The following MMP16 variants were observed in gnomAD, a reference collection of about 807,000 sequenced individuals.
The protein encoded by MMP16 is matrix metallopeptidase 16, also known as matrix metalloproteinase-16.
MMP16 carries 12 observed loss-of-function variants against 67.8 expected under a neutral mutation model. The ratio of observed to expected loss-of-function variants is 0.18; its 90% CI spans 0.11 to 0.29. The LOEUF (loss-of-function observed/expected upper bound fraction) is 0.29. Ranked by LOEUF, MMP16 falls within the 10% of genes least tolerant of loss-of-function variation. The probability of loss-of-function intolerance (pLI) is 1.00; values close to 1 mark genes in which losing one functional copy is unlikely to be tolerated. For missense variants in MMP16, 475 were observed against 765.7 expected, an observed-to-expected ratio of 0.62 and a Z score of 4.48; for synonymous variants, 249 against 255.9, an observed-to-expected ratio of 0.97 and a Z score of 0.26.
chr8:88,135,942 G>T (rs1808112325), intron 4 of MMP16, among the ~76,000 whole-genome samples: 2 of 151,722 alleles, frequency 1.3e-5, no homozygotes, highest in South Asian at 4.1e-4. Context: ...ATATAAGTGG[G>T]TTAAACCATA....
intron 7 of MMP16, among the ~76,000 whole-genome samples, chr8:88,068,307 A>C (rs1808489724): frequency 6.6e-6 from 1 of 152,146 alleles, no homozygotes; most frequent in Non-Finnish European, 1.5e-5. Context: ...ATTGTGAATA[A>C]AAATCCTTCA....
chr8:88,277,842 T>C (rs1472798298), intron 1 of MMP16, among the ~76,000 whole-genome samples: 1 of 152,196 alleles, frequency 6.6e-6, no homozygotes, highest in African/African-American at 2.4e-5. Flanking sequence ...AGAAGAACTT[T>C]TGAGAAACTA....
chr8:88,137,312 C>A (rs149506460), intron 4 of MMP16, among the ~76,000 whole-genome samples: 4 of 151,886 alleles, frequency 2.6e-5, no homozygotes, highest in South Asian at 2.1e-4. Context: ...ACTCCTCCCC[C>A]CCAAAACCCA....
chr8:88,082,785 T>A (rs898720581), intron 6 of MMP16, among the ~76,000 whole-genome samples: 10 of 151,976 alleles, frequency 6.6e-5, no homozygotes, highest in East Asian at 1.9e-4. Context: ...TATTTTTTTT[T>A]ATTTTTATTA....
intron 1 of MMP16, among the ~76,000 whole-genome samples, chr8:88,297,877 T>A: frequency 6.6e-6 from 1 of 152,166 alleles, no homozygotes; most frequent in Middle Eastern, 3.2e-3. Context: ...TCTGGCACAT[T>A]TGCAAAGTGC....
At chr8:88,134,187 C>T (rs527259011) in intron 4 of MMP16, among the ~76,000 whole-genome samples, 2 of 151,804 alleles carry the variant, frequency 1.3e-5, no homozygotes, top group South Asian at 4.1e-4. Flanking sequence ...AATATGTCAC[C>T]AATTCTAACA....
chr8:88,119,921 C>G (rs982895151), intron 4 of MMP16, among the ~76,000 whole-genome samples: 3 of 151,944 alleles, frequency 2.0e-5, no homozygotes, highest in Admixed American at 2.0e-4. Flanking sequence ...CCTTTCCAAC[C>G]ACTTTTATAA....
At chr8:88,235,470 T>C (rs1451651275) in intron 1 of MMP16, among the ~76,000 whole-genome samples, 1 of 152,016 alleles carries the variant, frequency 6.6e-6, no homozygotes, top group East Asian at 1.9e-4. Flanking sequence ...AATGCCAAAG[T>C]TCTAACCTGC....
At chr8:88,178,156 A>G (rs2129730608) in intron 3 of MMP16, among the ~76,000 whole-genome samples, 1 of 152,332 alleles carries the variant, frequency 6.6e-6, no homozygotes, top group African/African-American at 2.4e-5. Flanking sequence ...TCAACAAAAA[A>G]TTACAAACAA....
At chr8:88,253,400 T>C (rs1001614525) in intron 1 of MMP16, among the ~76,000 whole-genome samples, 1 of 152,086 alleles carries the variant, frequency 6.6e-6, no homozygotes, top group Non-Finnish European at 1.5e-5. Context: ...AAAACAGTCC[T>C]TCAGCCAAAT....
intron 6 of MMP16, among the ~76,000 whole-genome samples, chr8:88,105,353 T>C (rs1360071536): frequency 6.6e-6 from 1 of 151,478 alleles, no homozygotes; most frequent in Admixed American, 6.6e-5. Context: ...GGGTTAGTAA[T>C]TGGAAAACTA....
At chr8:88,290,323 C>T (rs911438930) in intron 1 of MMP16, among the ~76,000 whole-genome samples, 3 of 151,990 alleles carry the variant, frequency 2.0e-5, no homozygotes, top group African/African-American at 4.8e-5. Flanking sequence ...GAGGCCGAGG[C>T]GGGTGGATCA....
At position 88,074,656 on chromosome 8, in the gene MMP16, T is replaced by C. The variant is rs1808614169; in HGVS notation, c.1171A>G (p.Ser391Gly). 2 of 1,613,604 alleles carry C rather than the reference T, an allele frequency of 1.2e-6. No homozygotes were observed. Among genetic ancestry groups the C allele is most frequent in the African/African-American group, 1.3e-5 (1 of 74,890 alleles). Residue 391 changes from serine (S) to glycine (G), a missense_variant, in exon 7 of 10, where the codon AGT becomes GGT. This residue lies in a region of MMP16 where 195 missense variants were observed against 300.9 expected (regional missense o/e 0.65). Transcript: ENST00000286614. ...ITYFWRGLPP[S>G]IDAVYENSDG... Reference sequence around the variant, plus strand: ...CTATTTTCATAAACTGCATCGATACTAGGAGGCAAGCCCCGCCAGAAGTAA... The same window carrying C: ...CTATTTTCATAAACTGCATCGATACCAGGAGGCAAGCCCCGCCAGAAGTAA...
Position 88,158,350 on chromosome 8 carries a change from T to C in MMP16, c.709+9319A>G, listed in dbSNP as rs144607328. On this transcript the variant is annotated intron_variant, in intron 4 of 9. Transcript: ENST00000286614. ...CAGCACCTGTTGTTTCCTGACTTTC[T>C]AATGATCGCCATTTTAAGTGGTGTG... 7.9e-3 allele frequency among the ~76,000 whole-genome samples: 1,200 copies of C among 152,292 alleles called. 18 individuals are homozygous for C. Among genetic ancestry groups the C allele is most frequent in the African/African-American group, 0.027 (1,109 of 41,562 alleles).
At chr8:88,248,790 TAA>T (rs11356043) in intron 1 of MMP16, among the ~76,000 whole-genome samples, 348 of 139,974 alleles carry the variant, frequency 2.5e-3, no homozygotes, top group East Asian at 5.8e-3. Context: ...TTGGACATAG[TAA>T]AAAAAAAAAA....
At chr8:88,186,254 C>G in intron 3 of MMP16, 1 of 394,558 alleles carries the variant, frequency 2.5e-6, no homozygotes, top group East Asian at 3.8e-5. Context: ...ATTCAAGAAG[C>G]TGGAATAGTT....
intron 1 of MMP16, among the ~76,000 whole-genome samples, chr8:88,323,866 A>T (rs182984980): frequency 6.6e-6 from 1 of 152,204 alleles, no homozygotes; most frequent in Admixed American, 6.5e-5. Flanking sequence ...AAGACAGTAG[A>T]CATTAATAAT....
intron 6 of MMP16, among the ~76,000 whole-genome samples, chr8:88,080,981 T>C (rs1409598940): frequency 6.6e-6 from 1 of 152,112 alleles, no homozygotes; most frequent in Non-Finnish European, 1.5e-5. Context: ...TCTACCTCTT[T>C]GCAAGCAGTA....
chr8:88,288,788 C>A (rs1291849793), intron 1 of MMP16, among the ~76,000 whole-genome samples: 2 of 152,098 alleles, frequency 1.3e-5, no homozygotes, highest in African/African-American at 4.8e-5. Flanking sequence ...AGGACTTTAG[C>A]TCAAGGAAAT....
Sources: allele counts gnomAD v4.1 joint callset (sites outside exome capture counted in the v4.1 genomes callset), GRCh38; gene constraint gnomAD v4.1.1; regional missense constraint gnomAD v4.1.1; transcripts MANE v1.5; gene names NCBI Gene and HGNC (gene_info 2026-07-23, HGNC 2026-07-21).